Variants in BCKDHB observed in about 807,000 individuals in gnomAD.
BCKDHB encodes branched chain keto acid dehydrogenase E1 subunit beta.
BCKDHB carries 41 observed loss-of-function variants against 48.5 expected under a neutral mutation model. The ratio of observed to expected loss-of-function variants is 0.85; its 90% CI spans 0.66 to 1.10. BCKDHB has a LOEUF of 1.10. Among genes scored for constraint, BCKDHB ranks in the 50% least tolerant of loss-of-function variants. The pLI is 0.00. For synonymous variants in BCKDHB, 201 were observed against 174.8 expected, an observed-to-expected ratio of 1.15 and a Z score of -1.18; for missense variants, 496 against 494.2, an observed-to-expected ratio of 1.00 and a Z score of -0.03.
intron 3 of BCKDHB, among the ~76,000 whole-genome samples, chr6:80,144,357 G>T (rs902918324): frequency 1.3e-5 from 2 of 152,122 alleles, no homozygotes; most frequent in African/African-American, 4.8e-5. Context: ...TTCTGTCCAA[G>T]AACTTTTTAG....
chr6:80,226,551 G>A (rs137967034), intron 8 of BCKDHB, among the ~76,000 whole-genome samples: 4 of 152,298 alleles, frequency 2.6e-5, no homozygotes, highest in Non-Finnish European at 1.5e-5. Context: ...AATAGATTAG[G>A]TTCTTTGACA....
chr6:80,255,638 C>T (rs1777018297), intron 8 of BCKDHB, among the ~76,000 whole-genome samples: 1 of 152,054 alleles, frequency 6.6e-6, no homozygotes, highest in African/African-American at 2.4e-5. Context: ...GATCATACAA[C>T]CAGAAGGATT....
intron 9 of BCKDHB, among the ~76,000 whole-genome samples, chr6:80,276,356 G>T (rs933158759): frequency 1.3e-5 from 2 of 151,790 alleles, no homozygotes; most frequent in Admixed American, 6.6e-5. Context: ...TTATTCAAAA[G>T]TTTAAGTTAC....
At chr6:80,136,852 C>T (rs1364830467) in intron 3 of BCKDHB, among the ~76,000 whole-genome samples, 3 of 151,892 alleles carry the variant, frequency 2.0e-5, no homozygotes, top group African/African-American at 4.8e-5. Flanking sequence ...TATAAATTAC[C>T]AGTGAAAAGA....
At chr6:80,253,884 G>A (rs1317828533) in intron 8 of BCKDHB, among the ~76,000 whole-genome samples, 1 of 151,334 alleles carries the variant, frequency 6.6e-6, no homozygotes, top group East Asian at 1.9e-4. Flanking sequence ...CATGGCTTTT[G>A]TATTTTAAAT....
At chr6:80,415,662 A>G in the BCKDHB span, among the ~76,000 whole-genome samples, 1 of 152,132 alleles carries the variant, frequency 6.6e-6, no homozygotes, top group Non-Finnish European at 1.5e-5. Context: ...GTGTTGCTGG[A>G]TTCGCCAGGC....
intron 3 of BCKDHB, among the ~76,000 whole-genome samples, chr6:80,148,039 G>A (rs906814564): frequency 3.3e-5 from 5 of 152,126 alleles, no homozygotes; most frequent in Non-Finnish European, 7.4e-5. Flanking sequence ...AATTTTCATG[G>A]AAAAGTAGGG....
chr6:80,294,149 G>A (rs938902367), intron 9 of BCKDHB, among the ~76,000 whole-genome samples: 2 of 152,128 alleles, frequency 1.3e-5, no homozygotes, highest in Non-Finnish European at 2.9e-5. Context: ...AGGAAGTCAG[G>A]GACCCCGAAT....
chr6:80,344,348 A>AT lies in BCKDHB; in HGVS notation c.*560dup, dbSNP rs10579475. ...AACATATCTAGCATATGTATATGTG[A>AT]TTTTTTTTTTTTTTTTGAGACCGAG... On this transcript the variant is annotated 3_prime_UTR_variant, in exon 10 of 10. Transcript: ENST00000320393. The AT allele has an allele frequency of 0.075, 10,548 of 140,870 alleles. 409 individuals carry two copies. Among genetic ancestry groups the AT allele is most frequent in the East Asian group, 0.11 (523 of 4,676 alleles). 8.7% of individuals were successfully genotyped at this position (140,870 alleles called of 1,614,324 possible). A position where few individuals can be genotyped will look rare whatever the true frequency, so the allele number is the denominator to read the frequency against.
chr6:80,273,188 C>T lies in BCKDHB; in HGVS notation c.1005C>T (p.Gly335=), dbSNP rs1562193967. The T allele has an allele frequency of 1.4e-5, 23 of 1,613,414 alleles. No homozygotes were observed. Among genetic ancestry groups the T allele is most frequent in the East Asian group, 2.2e-5 (1 of 44,856 alleles). The change falls in exon 9 of 10, where the codon GGC becomes GGT. Residue 335 remains glycine, a synonymous_variant. Transcript: ENST00000320393. ...TCAGTCACGAGGCTCCCTTGACAGGCGGCTTTGCATCGGAAATCAGCTCTA... is the reference window on the plus strand; with the variant it reads ...TCAGTCACGAGGCTCCCTTGACAGGTGGCTTTGCATCGGAAATCAGCTCTA... ...LLISHEAPLT[G]GFASEISSTV... is the part of the protein sequence containing the mutation.
At chr6:80,323,201 G>T (rs1562229472) in intron 9 of BCKDHB, among the ~76,000 whole-genome samples, 3 of 152,082 alleles carry the variant, frequency 2.0e-5, no homozygotes, top group East Asian at 3.9e-4. Context: ...CCAGCATCTT[G>T]TATGCTCCAT....
At chr6:80,325,189 C>T (rs1215077935) in intron 9 of BCKDHB, among the ~76,000 whole-genome samples, 1 of 152,134 alleles carries the variant, frequency 6.6e-6, no homozygotes, top group African/African-American at 2.4e-5. Context: ...CTAGATCAAA[C>T]ATGGTTTATT....
rs193168807 is a variant in BCKDHB at position 80,257,940 on chromosome 6, C to T, written c.952-15195C>T. Among the ~76,000 whole-genome samples, 882 of 152,026 alleles carry T rather than the reference C, an allele frequency of 5.8e-3. 11 individuals carry two copies. The highest frequency in any genetic ancestry group is 0.02 in the African/African-American group (846 of 41,468). ...ACAGATCTTCAAGTTAACACCTCAACTTAACTATTTGACACCTCAAATTAA... is the reference window on the plus strand; with the variant it reads ...ACAGATCTTCAAGTTAACACCTCAATTTAACTATTTGACACCTCAAATTAA... On this transcript the variant is annotated intron_variant, in intron 8 of 9. Transcript: ENST00000320393.
At chr6:80,425,743 T>C in the BCKDHB span, among the ~76,000 whole-genome samples, 2 of 152,174 alleles carry the variant, frequency 1.3e-5, no homozygotes, top group East Asian at 1.9e-4. Flanking sequence ...TTTCTTAATG[T>C]TTATCATGCT....
At chr6:80,464,849 A>G in the BCKDHB span, among the ~76,000 whole-genome samples, 1 of 152,208 alleles carries the variant, frequency 6.6e-6, no homozygotes, top group African/African-American at 2.4e-5. Context: ...GAACAAGAGA[A>G]AAGGTAAGTG....
At chr6:80,377,901 A>T in the BCKDHB span, among the ~76,000 whole-genome samples, 4 of 152,328 alleles carry the variant, frequency 2.6e-5, no homozygotes, top group African/African-American at 7.2e-5. Context: ...GGGATTATAG[A>T]TCAATTTGGA....
the BCKDHB span, among the ~76,000 whole-genome samples, chr6:80,355,091 C>T: frequency 2.0e-5 from 3 of 151,998 alleles, no homozygotes; most frequent in Admixed American, 2.0e-4. Flanking sequence ...TTGTTTTGAG[C>T]AGTATGATTA....
intron 8 of BCKDHB, among the ~76,000 whole-genome samples, chr6:80,228,905 C>T (rs1222668386): frequency 2.6e-5 from 4 of 152,148 alleles, no homozygotes; most frequent in Admixed American, 1.3e-4. Flanking sequence ...GGACTTCCAA[C>T]CTTCCAGGGA....
chr6:80,179,822 A>G (rs1773329291), intron 6 of BCKDHB, among the ~76,000 whole-genome samples: 1 of 152,176 alleles, frequency 6.6e-6, no homozygotes, highest in African/African-American at 2.4e-5. Context: ...CCTTGTAATC[A>G]TTAGTCATTA....
Sources: gnomAD v4.1 joint callset for allele counts (sites outside exome capture counted in the v4.1 genomes callset) on GRCh38, gnomAD v4.1.1 for gene constraint, MANE v1.5 for transcripts, NCBI Gene and HGNC (gene_info 2026-07-23, HGNC 2026-07-21) for gene names.